Variants in SMAD1 observed in about 807,000 individuals in gnomAD.
SMAD1 encodes the protein SMAD family member 1, also known as MAD, mothers against decapentaplegic homolog 1.
In SMAD1, 6 loss-of-function variants were observed where a neutral mutation model predicts 41.6. The observed-to-expected ratio is 0.14, with a 90% CI of 0.08 to 0.28. SMAD1 has a LOEUF of 0.28. SMAD1 is among the 10% of genes least tolerant of loss of function. SMAD1 has a pLI of 1.00. For missense variants in SMAD1, 379 were observed against 582.6 expected (o/e 0.65, Z 3.60); for synonymous variants, 206 against 203.2 (o/e 1.01, Z -0.12).
chr4:145,515,162 G>GTGTGTC (rs1553945836), intron 2 of SMAD1, 149 bp downstream of exon 2: 1 of 721,016 alleles, frequency 1.4e-6, no homozygotes, highest in Non-Finnish European at 2.2e-6. Context: ...GTGTGTGTGT[G>GTGTGTC]TGTGTGTGTG....
chr4:145,530,678 A>G (rs1190170481), intron 2 of SMAD1, among the ~76,000 whole-genome samples: 1 of 151,558 alleles, frequency 6.6e-6, no homozygotes, highest in African/African-American at 2.5e-5. Flanking sequence ...CCAGAAAGTA[A>G]ATACTACCGT....
At chr4:145,519,618 C>T (rs747426057) in intron 2 of SMAD1, among the ~76,000 whole-genome samples, 1 of 149,836 alleles carries the variant, frequency 6.7e-6, no homozygotes, top group Non-Finnish European at 1.5e-5. Flanking sequence ...CATGTCGCTG[C>T]ACTCCAGCCT....
intron 2 of SMAD1, among the ~76,000 whole-genome samples, chr4:145,536,071 C>T (rs1371076263): frequency 7.3e-5 from 11 of 151,360 alleles, no homozygotes; most frequent in African/African-American, 9.7e-5. Context: ...TTCAGTGTAT[C>T]GTAGAATTAA....
In SMAD1 at chr4:145,556,515, G is replaced by A. The variant is rs183448193; in HGVS notation, c.1255-1276G>A. ...TCTGTCGCCCAGGCTGGAGTGCAAT[G>A]GTGTGATCTCGGCTCACTGCAACCT... On this transcript the variant is annotated intron_variant, in intron 6 of 6. Coordinates refer to ENST00000302085, the MANE Select transcript of SMAD1 (RefSeq NM_005900.3). Among the ~76,000 whole-genome samples the A allele has an allele frequency of 6.0e-3, 905 of 151,972 alleles. 4 individuals carry two copies. Among genetic ancestry groups the A allele is most frequent in the Admixed American group, 0.01 (159 of 15,280 alleles).
intron 1 of SMAD1, among the ~76,000 whole-genome samples, chr4:145,490,075 C>T (rs1728693812): frequency 1.3e-5 from 2 of 152,090 alleles, no homozygotes; most frequent in African/African-American, 2.4e-5. Flanking sequence ...TCAGAGAAGG[C>T]TGAATACATT....
In SMAD1 at chr4:145,542,594, C is replaced by G. The variant is rs1048829612; in HGVS notation, c.671C>G (p.Pro224Arg). The G allele has an allele frequency of 1.9e-6, 3 of 1,607,548 alleles. 1 individual carries two copies. In the South Asian group the frequency reaches 3.3e-5, roughly 18 times the overall value. Residue 224 changes from proline (P) to arginine (R), a missense_variant, in exon 4 of 7, where the codon CCA becomes CGA. Transcript: ENST00000302085. The stretch of plus-strand genomic sequence containing the variant: ...AAAAACTTTGTAGCTGATACGCCCC[C>G]ACCTGCTTACCTGCCTCCTGAAGAC... ...SPFQMPADTP[P>R]PAYLPPEDPM... is the part of the protein sequence containing the mutation.
intron 2 of SMAD1, among the ~76,000 whole-genome samples, chr4:145,536,264 G>A (rs549549320): frequency 1.3e-5 from 2 of 152,012 alleles, no homozygotes; most frequent in African/African-American, 4.8e-5. Context: ...AATCAATGTG[G>A]CTCCAGTAGA....
intron 2 of SMAD1, among the ~76,000 whole-genome samples, chr4:145,529,794 G>C (rs1202352749): frequency 1.3e-5 from 2 of 152,178 alleles, no homozygotes; most frequent in African/African-American, 4.8e-5. Context: ...CATAGATAGG[G>C]CCAGACACCT....
At chr4:145,513,151 T>G (rs917005081) in intron 1 of SMAD1, 5 of 152,264 alleles carry the variant, frequency 3.3e-5, no homozygotes, top group Admixed American at 2.6e-4. Flanking sequence ...TCCTAGACCT[T>G]TTGCTGCTCA....
chr4:145,553,787 T>C lies in SMAD1; in HGVS notation c.1001T>C (p.Val334Ala). The change falls in exon 6 of 7, where the codon GTT becomes GCT. Residue 334 changes from valine (V) to alanine (A), a missense_variant. Physicochemically the swap from Val to Ala is moderately conservative, Grantham distance 64 (BLOSUM62 0). This residue lies in a region of SMAD1 where 107 missense variants were observed against 218.3 expected (regional missense o/e 0.49). Transcript: ENST00000302085. ...ENTRRHIGKG[V>A]HLYYVGGEVY... is the part of the protein sequence containing the mutation. ...GGTATGCTTTGTCTTCCTATAGGAG[T>C]TCATCTTTATTATGTTGGAGGGGAG... The C allele has an allele frequency of 6.2e-7, 1 of 1,613,530 alleles. No homozygotes were observed.
At chr4:145,504,104 G>C (rs1235200556) in intron 1 of SMAD1, 1 of 152,180 alleles carries the variant, frequency 6.6e-6, no homozygotes, top group African/African-American at 2.4e-5. Flanking sequence ...GACCAGAAAT[G>C]TCCTGAAGGA....
At chr4:145,483,633 T>G (rs1406168378) in intron 1 of SMAD1, among the ~76,000 whole-genome samples, 1 of 152,210 alleles carries the variant, frequency 6.6e-6, no homozygotes, top group Non-Finnish European at 1.5e-5. Flanking sequence ...CCACTCTCTT[T>G]CCCATTTGCA....
intron 1 of SMAD1, among the ~76,000 whole-genome samples, chr4:145,500,734 A>G (rs1398083882): frequency 6.6e-6 from 1 of 152,164 alleles, no homozygotes; most frequent in Non-Finnish European, 1.5e-5. Flanking sequence ...CTCTTTTTGT[A>G]TGAAGTTAGA....
At chr4:145,538,503 G>A (rs1254708295) in intron 2 of SMAD1, among the ~76,000 whole-genome samples, 1 of 152,040 alleles carries the variant, frequency 6.6e-6, no homozygotes, top group Non-Finnish European at 1.5e-5. Flanking sequence ...TTAAAAACCT[G>A]TTTTTATCTA....
chr4:145,489,771 C>T (rs1204075994), intron 1 of SMAD1, among the ~76,000 whole-genome samples: 5 of 152,156 alleles, frequency 3.3e-5, no homozygotes, highest in Admixed American at 2.6e-4. Flanking sequence ...AGACTCTCTG[C>T]AGTCATCTGC....
At chr4:145,539,626 C>G (rs1264930745) in intron 2 of SMAD1, among the ~76,000 whole-genome samples, 178 bp from the exon 3 acceptor site, 5 of 152,162 alleles carry the variant, frequency 3.3e-5, no homozygotes, top group Non-Finnish European at 7.3e-5. Context: ...GTATTTGTTC[C>G]TGCATTTGTT....
At chr4:145,533,355 T>C (rs938099948) in intron 2 of SMAD1, among the ~76,000 whole-genome samples, 2 of 152,252 alleles carry the variant, frequency 1.3e-5, no homozygotes, top group Admixed American at 6.5e-5. Context: ...AAATTGGGAC[T>C]ATCCCAGGCA....
intron 2 of SMAD1, among the ~76,000 whole-genome samples, chr4:145,527,433 C>T (rs998726374): frequency 5.3e-5 from 8 of 152,008 alleles, no homozygotes; most frequent in East Asian, 3.9e-4. Context: ...CCGTTTTAGC[C>T]GGGATGGTCT....
intron 2 of SMAD1, among the ~76,000 whole-genome samples, chr4:145,527,561 G>A (rs1731092654): frequency 6.6e-6 from 1 of 152,020 alleles, no homozygotes; most frequent in Admixed American, 6.6e-5. Flanking sequence ...GCCGGAAGAT[G>A]GTACCAATGT....
Sources: allele counts gnomAD v4.1 joint callset (sites outside exome capture counted in the v4.1 genomes callset), GRCh38; gene constraint gnomAD v4.1.1; regional missense constraint gnomAD v4.1.1; transcripts MANE v1.5; gene names NCBI Gene and HGNC (gene_info 2026-07-23, HGNC 2026-07-21).